The following PSPC1 variants were observed in gnomAD, a reference collection of about 807,000 sequenced individuals.
PSPC1 encodes paraspeckle protein 1.
Under a neutral mutation model 51.6 loss-of-function variants are expected in PSPC1, and 14 were observed. The ratio of observed to expected loss-of-function variants is 0.27; its 90% CI spans 0.18 to 0.42. The LOEUF (loss-of-function observed/expected upper bound fraction) is 0.42. Among genes scored for constraint, PSPC1 ranks in the 10% least tolerant of loss-of-function variants. The probability of loss-of-function intolerance (pLI) is 1.00; values close to 1 mark genes in which losing one functional copy is unlikely to be tolerated. For synonymous variants in PSPC1, 193 were observed against 231.9 expected, an observed-to-expected ratio of 0.83 and a Z score of 1.53; for missense variants, 406 against 701.1, an observed-to-expected ratio of 0.58 and a Z score of 4.75.
At chr13:19,731,581 T>C (rs963613268) in intron 5 of PSPC1, among the ~76,000 whole-genome samples, 4 of 152,104 alleles carry the variant, frequency 2.6e-5, no homozygotes, top group Admixed American at 2.6e-4. Context: ...GTCCAGATAA[T>C]GTTTTGTACT....
intron 1 of PSPC1, among the ~76,000 whole-genome samples, chr13:19,778,219 T>C (rs1370117918): frequency 1.3e-5 from 2 of 151,652 alleles, no homozygotes; most frequent in East Asian, 1.9e-4. Flanking sequence ...TCCAACGTGG[T>C]GACAGAGCAA....
chr13:19,709,587 T>C lies in PSPC1; in HGVS notation c.1171A>G (p.Met391Val), dbSNP rs1339098881. ...PNYMENREQE[M>V]RMGDMGPRGA... ...CGGGGACCCATATCACCCATTCTCA[T>C]TTCCTGTTCTCTCTGTAAGTAAACA... Residue 391 changes from methionine to valine, a missense_variant, in exon 7 of 9, where the codon ATG (methionine) becomes GTG (valine). This residue lies in a region of PSPC1 where 61 missense variants were observed against 78.4 expected (regional missense o/e 0.78). Coordinates refer to ENST00000338910, the MANE Select transcript of PSPC1 (RefSeq NM_001354909.2). The C allele has an allele frequency of 4.3e-6, 7 of 1,612,172 alleles. No homozygotes were observed. Among genetic ancestry groups the C allele is most frequent in the Admixed American group, 1.7e-5 (1 of 59,592 alleles).
At chr13:19,704,506 T>G (rs1332615904) in intron 8 of PSPC1, among the ~76,000 whole-genome samples, 5 of 152,278 alleles carry the variant, frequency 3.3e-5, no homozygotes, top group African/African-American at 9.6e-5. Flanking sequence ...GGCAGTGCTT[T>G]CTTTCTTTCT....
chr13:19,755,609 A>C (rs1458535600), intron 3 of PSPC1, among the ~76,000 whole-genome samples: 2 of 151,742 alleles, frequency 1.3e-5, no homozygotes, highest in Admixed American at 1.3e-4. Context: ...AAAACAATAG[A>C]TATGAATTAT....
chr13:19,725,803 C>G (rs1356354554), intron 6 of PSPC1, among the ~76,000 whole-genome samples: 1 of 152,098 alleles, frequency 6.6e-6, no homozygotes, highest in Non-Finnish European at 1.5e-5. Flanking sequence ...ATCAAGGTTG[C>G]CACACCCAAA....
chr13:19,751,384 A>G lies in PSPC1; in HGVS notation c.854T>C (p.Met285Thr). The change falls in exon 4 of 9, where the codon ATG becomes ACG. Residue 285 changes from methionine (M) to threonine (T), a missense_variant. This residue lies in a region of PSPC1 where 180 missense variants were observed against 337.9 expected (regional missense o/e 0.53). Transcript: ENST00000338910. ...YASRWKALDE[M>T]EKQQREQVDR... Reference sequence around the variant, plus strand: ...AACCTGCTCACGCTGCTGCTTTTCCATTTCATCAAGAGCCTTCCATCGAGA... The same window carrying G: ...AACCTGCTCACGCTGCTGCTTTTCCGTTTCATCAAGAGCCTTCCATCGAGA... 6.3e-7 allele frequency: 1 copy of G among 1,593,134 alleles called. No homozygotes were observed. The highest frequency in any genetic ancestry group is 1.1e-5 in the South Asian group (1 of 87,106).
intron 3 of PSPC1, among the ~76,000 whole-genome samples, 198 bp from the exon 4 acceptor site, chr13:19,751,665 T>A (rs532214906): frequency 3.1e-4 from 47 of 152,276 alleles, no homozygotes; most frequent in Non-Finnish European, 3.4e-4. Flanking sequence ...GAACAATAAT[T>A]CAAACTTACA....
intron 6 of PSPC1, among the ~76,000 whole-genome samples, chr13:19,694,836 C>A (rs1002791848): frequency 4.6e-5 from 7 of 152,216 alleles, no homozygotes; most frequent in Non-Finnish European, 1.0e-4. Context: ...AAATCATTTT[C>A]TTTCCCCTTT....
intron 6 of PSPC1, among the ~76,000 whole-genome samples, chr13:19,715,063 T>G (rs1209348778): frequency 1.3e-5 from 2 of 152,166 alleles, no homozygotes; most frequent in African/African-American, 4.8e-5. Context: ...AAAGGGAACA[T>G]TAAAAGACAT....
intron 1 of PSPC1, among the ~76,000 whole-genome samples, chr13:19,777,429 C>CAAAAAAAAAAAAAAAAAAA: frequency 2.1e-5 from 1 of 47,912 alleles, no homozygotes; most frequent in Non-Finnish European, 4.3e-5. Context: ...GACCTCAGCT[C>CAAAAAAAAAAAAAAAAAAA]AAAAAAAAAA....
At chr13:19,760,902 C>G (rs57897773) in intron 2 of PSPC1, among the ~76,000 whole-genome samples, 7 of 151,818 alleles carry the variant, frequency 4.6e-5, no homozygotes, top group African/African-American at 1.7e-4. Flanking sequence ...GCAGGAGAAT[C>G]GCTTGAATCC....
chr13:19,737,471 ATATCACAGAAATAATGTTATATCCCAT>A (rs944987987), intron 5 of PSPC1, among the ~76,000 whole-genome samples: 1 of 152,218 alleles, frequency 6.6e-6, no homozygotes, highest in African/African-American at 2.4e-5. Context: ...TCTGGTAAGA[ATATCACAGAAATAATGTTATATCCCAT>A]TCAGTGAATC....
intron 4 of PSPC1, among the ~76,000 whole-genome samples, chr13:19,743,624 C>T (rs1179569259): frequency 6.6e-6 from 1 of 152,118 alleles, no homozygotes; most frequent in Non-Finnish European, 1.5e-5. Flanking sequence ...AATTGGAAAA[C>T]TTAAAAATAT....
chr13:19,736,564 T>A (rs1884842113), intron 5 of PSPC1, among the ~76,000 whole-genome samples: 1 of 151,988 alleles, frequency 6.6e-6, no homozygotes, highest in South Asian at 2.1e-4. Context: ...GCGCCTGTAA[T>A]CCTAGCTACT....
intron 6 of PSPC1, among the ~76,000 whole-genome samples, chr13:19,692,038 C>T (rs1398664947): frequency 6.6e-6 from 1 of 152,150 alleles, no homozygotes; most frequent in African/African-American, 2.4e-5. Flanking sequence ...AGATAAAGTC[C>T]TGTGGTCTAC....
chr13:19,681,623 A>G (rs762428967), intron 6 of PSPC1, among the ~76,000 whole-genome samples: 1 of 152,198 alleles, frequency 6.6e-6, no homozygotes, highest in Non-Finnish European at 1.5e-5. Context: ...AGGGACCAGC[A>G]TTCTTTTAAC....
intron 7 of PSPC1, among the ~76,000 whole-genome samples, chr13:19,708,439 A>G (rs1213125993): frequency 1.3e-5 from 2 of 152,238 alleles, no homozygotes; most frequent in Admixed American, 1.3e-4. Flanking sequence ...TTAATTTAAT[A>G]AAATTTAATT....
At chr13:19,769,365 C>G (rs1018719517) in intron 2 of PSPC1, among the ~76,000 whole-genome samples, 4 of 152,024 alleles carry the variant, frequency 2.6e-5, no homozygotes, top group African/African-American at 9.7e-5. Context: ...ACCATCCTGG[C>G]TAACACAGTG....
intron 2 of PSPC1, among the ~76,000 whole-genome samples, chr13:19,759,850 A>C (rs1593735099): frequency 7.9e-6 from 1 of 127,230 alleles, no homozygotes; most frequent in South Asian, 3.0e-4. Context: ...CAACACAGCA[A>C]GACTCCATCA....
Sources: gnomAD v4.1 joint callset for allele counts (sites outside exome capture counted in the v4.1 genomes callset) on GRCh38, gnomAD v4.1.1 for gene constraint, gnomAD v4.1.1 regional missense constraint, MANE v1.5 for transcripts, NCBI Gene and HGNC (gene_info 2026-07-23, HGNC 2026-07-21) for gene names.